The following DNAI1 variants were observed in gnomAD, a reference collection of about 807,000 sequenced individuals.
The protein encoded by DNAI1 is dynein axonemal intermediate chain 1.
Under a neutral mutation model 92.0 loss-of-function variants are expected in DNAI1, and 67 were observed. The ratio of observed to expected loss-of-function variants is 0.73; its 90% CI spans 0.60 to 0.89. The LOEUF is 0.89. DNAI1 is among the 40% of genes least tolerant of loss of function. DNAI1 has a pLI of 0.00. For synonymous variants in DNAI1, 323 were observed against 319.6 expected (o/e 1.01, Z -0.11); for missense variants, 839 against 866.6 (o/e 0.97, Z 0.40).
chr9:34,504,405 C>G lies in DNAI1; in HGVS notation c.1064-2222C>G, dbSNP rs368142870. On this transcript the variant is annotated intron_variant, in intron 12 of 19. Coordinates refer to ENST00000242317, the MANE Select transcript of DNAI1 (RefSeq NM_012144.4). ...CATTTCTTCTCATTCATCCTCCACA[C>G]ACAAAATCCATCACTCCTCGGCTGC... 3.9e-5 allele frequency among the ~76,000 whole-genome samples: 6 copies of G among 152,214 alleles called. No homozygotes were observed. The East Asian group carries it at 1.2e-3, about 29-fold the overall frequency.
intron 1 of DNAI1, among the ~76,000 whole-genome samples, chr9:34,477,610 A>G (rs1204651384): frequency 6.6e-6 from 1 of 152,182 alleles, no homozygotes; most frequent in East Asian, 1.9e-4. Flanking sequence ...GAGGATTATT[A>G]AGAAAGATAT....
intron 1 of DNAI1, among the ~76,000 whole-genome samples, chr9:34,468,347 A>G (rs1295673526): frequency 2.1e-5 from 3 of 141,954 alleles, no homozygotes; most frequent in Admixed American, 2.1e-4. Context: ...CGCCTGGCTA[A>G]TTTTTTTTTT....
At chr9:34,485,305 A>G (rs1040327360) in intron 3 of DNAI1, 65 bp downstream of exon 3, 8 of 1,605,256 alleles carry the variant, frequency 5.0e-6, no homozygotes, top group East Asian at 2.2e-5. Flanking sequence ...GTGTTCTTCC[A>G]TAGTACATGA....
intron 1 of DNAI1, among the ~76,000 whole-genome samples, chr9:34,463,034 A>C (rs1823977727): frequency 6.6e-6 from 1 of 152,210 alleles, no homozygotes; most frequent in Non-Finnish European, 1.5e-5. Flanking sequence ...AGAGAAGTAG[A>C]CTAAGAAGTT....
intron 10 of DNAI1, among the ~76,000 whole-genome samples, chr9:34,500,123 T>C (rs4878574): frequency 0.18 from 27,393 of 152,140 alleles, 2,667 homozygotes; most frequent in East Asian, 0.33. Flanking sequence ...GGATTACTCA[T>C]TTCTGGTTTA....
At chr9:34,469,631 G>A (rs1258515729) in intron 1 of DNAI1, among the ~76,000 whole-genome samples, 3 of 152,116 alleles carry the variant, frequency 2.0e-5, no homozygotes, top group African/African-American at 4.8e-5. Context: ...AGGCTGGAGT[G>A]TAATGGTGTG....
intron 16 of DNAI1, 78 bp downstream of exon 16, chr9:34,513,269 C>G: frequency 8.7e-7 from 1 of 1,143,678 alleles, no homozygotes; most frequent in Non-Finnish European, 1.3e-6. Flanking sequence ...CTCAACAGAT[C>G]CTATTTTGAT....
In DNAI1 at chr9:34,478,531, C is replaced by T. The variant is rs553294635; in HGVS notation, c.49-4917C>T. ...CAGTGACCTCCATCCAAATGCTAGCCTCTGTGCTAGTGATCCAAAGACGAA... is the reference window on the plus strand; with the variant it reads ...CAGTGACCTCCATCCAAATGCTAGCTTCTGTGCTAGTGATCCAAAGACGAA... On this transcript the variant is annotated intron_variant, in intron 1 of 19. Transcript: ENST00000242317. The T allele has an allele frequency of 4.6e-5, 7 of 152,368 alleles. No homozygotes were observed. The South Asian group carries it at 1.4e-3, about 32-fold the overall frequency. The allele number at this position is 152,368 out of a possible 1,614,324, so 9.4% of individuals were successfully genotyped here.
At chr9:34,500,481 G>A (rs140888342) in intron 10 of DNAI1, among the ~76,000 whole-genome samples, 43 of 152,288 alleles carry the variant, frequency 2.8e-4, no homozygotes, top group African/African-American at 9.6e-4. Context: ...CAACAACAAC[G>A]ACAGTAACAA....
intron 9 of DNAI1, among the ~76,000 whole-genome samples, chr9:34,494,235 T>C (rs898380578): frequency 6.6e-6 from 1 of 152,160 alleles, no homozygotes; most frequent in African/African-American, 2.4e-5. Context: ...TGCTGCTTCC[T>C]ATGCCTGAGA....
chr9:34,509,544 C>A (rs1356530259), intron 13 of DNAI1, among the ~76,000 whole-genome samples: 1 of 151,960 alleles, frequency 6.6e-6, no homozygotes, highest in Non-Finnish European at 1.5e-5. Flanking sequence ...ACTCCCTCTA[C>A]CCCCCTGAGC....
intron 12 of DNAI1, among the ~76,000 whole-genome samples, chr9:34,504,993 G>GA (rs1011717235): frequency 4.7e-5 from 7 of 148,294 alleles, no homozygotes; most frequent in Admixed American, 2.0e-4. Flanking sequence ...AACCATCCCA[G>GA]AAAAAAAAAA....
rs765763641 is a variant in DNAI1 at position 34,506,608 on chromosome 9, G to A, written c.1064-19G>A. The A allele has an allele frequency of 9.9e-6, 16 of 1,613,914 alleles. 1 individual carries two copies. The highest frequency in any genetic ancestry group is 1.6e-4 in the Middle Eastern group (1 of 6,084). On this transcript the variant is annotated intron_variant, in intron 12 of 19. Coordinates refer to ENST00000242317, the MANE Select transcript of DNAI1 (RefSeq NM_012144.4). ...GCAGTTGGATCCTCCAACCTCAGCC[G>A]CCCATCTTCCCTGGGTAGATGACTT...
chr9:34,468,110 G>A (rs562226385), intron 1 of DNAI1, among the ~76,000 whole-genome samples: 1 of 152,076 alleles, frequency 6.6e-6, no homozygotes, highest in East Asian at 1.9e-4. Flanking sequence ...TAAAAAATTC[G>A]TTGGATAGGC....
intron 13 of DNAI1, among the ~76,000 whole-genome samples, chr9:34,508,258 C>T (rs974431387): frequency 6.6e-6 from 1 of 152,214 alleles, no homozygotes; most frequent in African/African-American, 2.4e-5. Flanking sequence ...TTCCCCAGCA[C>T]TGACAGGCCT....
chr9:34,507,839 T>C (rs1824972999), intron 13 of DNAI1, among the ~76,000 whole-genome samples: 1 of 152,186 alleles, frequency 6.6e-6, no homozygotes, highest in African/African-American at 2.4e-5. Context: ...TCTCCAGACA[T>C]ACCTAGAGTG....
At chr9:34,486,437 GCTT>G (rs962623758) in intron 4 of DNAI1, among the ~76,000 whole-genome samples, 16 of 151,676 alleles carry the variant, frequency 1.1e-4, no homozygotes, top group African/African-American at 3.9e-4. Flanking sequence ...ACATTACATT[GCTT>G]CTTTAAAAAA....
intron 10 of DNAI1, among the ~76,000 whole-genome samples, chr9:34,499,659 A>G (rs766970664): frequency 2.6e-5 from 4 of 152,084 alleles, no homozygotes; most frequent in Non-Finnish European, 5.9e-5. Context: ...TACAGATGAG[A>G]AAGAGTTTGA....
chr9:34,464,649 A>G (rs1031075513), intron 1 of DNAI1, among the ~76,000 whole-genome samples: 1 of 152,040 alleles, frequency 6.6e-6, no homozygotes, highest in Non-Finnish European at 1.5e-5. Context: ...TAATTATTTG[A>G]TTATTGTATG....
Sources: gnomAD v4.1 joint callset for allele counts (sites outside exome capture counted in the v4.1 genomes callset) on GRCh38, gnomAD v4.1.1 for gene constraint, MANE v1.5 for transcripts, NCBI Gene and HGNC (gene_info 2026-07-23, HGNC 2026-07-21) for gene names.